Variants in MTR observed in about 807,000 individuals in gnomAD.
MTR encodes methionine synthase.
MTR carries 84 observed loss-of-function variants against 154.8 expected under a neutral mutation model. That is an observed-to-expected ratio of 0.54 (90% CI 0.45 to 0.65). The LOEUF is 0.65. MTR is among the 30% of genes least tolerant of loss of function. MTR has a pLI of 0.00. For missense variants in MTR, 1,275 were observed against 1,570.2 expected (o/e 0.81, Z 3.18); for synonymous variants, 554 against 553.9 (o/e 1.00, Z 0.00).
chr1:236,881,103 A>T (rs1558334967), intron 25 of MTR, among the ~76,000 whole-genome samples: 1 of 152,294 alleles, frequency 6.6e-6, no homozygotes, highest in East Asian at 1.9e-4. Context: ...CCTGGACACC[A>T]ACCAGACAAA....
intron 29 of MTR, 93 bp downstream of exon 29, chr1:236,891,422 ACCT>A: frequency 7.9e-7 from 1 of 1,263,936 alleles, no homozygotes; most frequent in Non-Finnish European, 1.1e-6. Flanking sequence ...GGTCTGCTTC[ACCT>A]CCTCCCAAAT....
At position 236,835,587 on chromosome 1, in the gene MTR, C is replaced by A; in HGVS notation, c.1229C>A (p.Ala410Asp). 6.2e-7 allele frequency: 1 copy of A among 1,611,250 alleles called. No homozygotes were observed. Among genetic ancestry groups the A allele is most frequent in the Non-Finnish European group, 8.5e-7 (1 of 1,179,504 alleles). Residue 410 changes from alanine to aspartate, a missense_variant, in exon 14 of 33, where the codon GCC becomes GAC. Coordinates refer to ENST00000366577, the MANE Select transcript of MTR (RefSeq NM_000254.3). ...CVAKVQVEMG[A>D]QVLDVNMDDG... ...GCCAAAGTGCAGGTGGAAATGGGAG[C>A]CCAGGTGTTGGATGTCAACATGGAT...
chr1:236,833,000 C>T (rs1662704294), intron 13 of MTR, among the ~76,000 whole-genome samples: 1 of 152,202 alleles, frequency 6.6e-6, no homozygotes, highest in African/African-American at 2.4e-5. Flanking sequence ...CATGGGCCTT[C>T]CCAGTTTGGA....
chr1:236,812,665 A>T, intron 5 of MTR, 73 bp from the exon 6 acceptor site: 1 of 1,160,856 alleles, frequency 8.6e-7, no homozygotes, highest in Non-Finnish European at 1.3e-6. Flanking sequence ...TGCCAGACCT[A>T]CACTCGAGAT....
chr1:236,795,805 C>A (rs1660344813), intron 1 of MTR, 68 bp downstream of exon 1: 11 of 1,610,418 alleles, frequency 6.8e-6, no homozygotes, highest in Non-Finnish European at 8.5e-6. Context: ...CTCCTAATCC[C>A]TGGGGCGATT....
rs1423135143 is a variant in MTR at position 236,803,665 on chromosome 1, T to C, written c.249+23T>C. 4.4e-6 allele frequency: 7 copies of C among 1,603,438 alleles called. No individual in the cohort carries two copies. In the East Asian group the frequency reaches 1.1e-4, roughly 26 times the overall value. On this transcript the variant is annotated intron_variant, in intron 2 of 32. Coordinates refer to ENST00000366577, the MANE Select transcript of MTR (RefSeq NM_000254.3). ...AAGGTAAAGTATTCCCAGGTTCCCA[T>C]GTGTATTCATTCTGTTATTCTGCAA...
intron 18 of MTR, 115 bp from the exon 19 acceptor site, chr1:236,859,718 G>A: frequency 1.2e-6 from 1 of 810,808 alleles, no homozygotes; most frequent in Middle Eastern, 2.3e-4. Flanking sequence ...ACTAGGGGCT[G>A]GAAAAGTAAA....
intron 8 of MTR, among the ~76,000 whole-genome samples, chr1:236,820,960 G>A (rs949374841): frequency 1.3e-5 from 2 of 152,172 alleles, no homozygotes; most frequent in Non-Finnish European, 2.9e-5. Flanking sequence ...TGGTGAGGAG[G>A]CTGGTCAGCT....
At chr1:236,853,210 G>C in intron 18 of MTR, 122 bp downstream of exon 18, 1 of 1,233,194 alleles carries the variant, frequency 8.1e-7, no homozygotes, top group South Asian at 1.2e-5. Flanking sequence ...TTGGATCACT[G>C]AAGATTTCTA....
At chr1:236,849,961 CT>C (rs1286559215) in intron 15 of MTR, among the ~76,000 whole-genome samples, 7 of 152,078 alleles carry the variant, frequency 4.6e-5, no homozygotes, top group African/African-American at 1.7e-4. Flanking sequence ...TTAATCTCTT[CT>C]TTAGTAGTAT....
intron 16 of MTR, among the ~76,000 whole-genome samples, chr1:236,850,797 G>T (rs988895977): frequency 6.6e-6 from 1 of 152,098 alleles, no homozygotes; most frequent in Non-Finnish European, 1.5e-5. Context: ...ACGCCAGTGC[G>T]CTCTAGCCTG....
intron 24 of MTR, among the ~76,000 whole-genome samples, chr1:236,876,264 A>T (rs566884760): frequency 6.6e-6 from 1 of 152,356 alleles, no homozygotes; most frequent in South Asian, 2.1e-4. Flanking sequence ...TCTTTTATCC[A>T]TTAGCTGTTC....
chr1:236,861,173 C>CA lies in MTR; in HGVS notation c.2100dup (p.Tyr701IlefsTer9). 3.8e-6 allele frequency: 6 copies of CA among 1,593,110 alleles called. No individual in the cohort carries two copies. Among genetic ancestry groups the CA allele is most frequent in the African/African-American group, 1.4e-5 (1 of 73,006 alleles). ...GGATACTGAGGAAGCCAGGTTAAAC[C>CA]AAAAAAAATATCCCCGACCTCTCAA... On this transcript the variant is annotated frameshift_variant, in exon 20 of 33. Transcript: ENST00000366577. LOFTEE classifies it high-confidence loss of function.
rs1250906551 is a variant in MTR at position 236,901,491 on chromosome 1, C to T, written c.*3847C>T. Reference sequence around the variant, plus strand: ...TCCAGGGAGACTGAATTTCTTCTGCCAGTCAGTAACACCATCAACCTGGGA... The same window carrying T: ...TCCAGGGAGACTGAATTTCTTCTGCTAGTCAGTAACACCATCAACCTGGGA... On this transcript the variant is annotated 3_prime_UTR_variant, in exon 33 of 33. Transcript: ENST00000366577. The T allele has an allele frequency of 6.6e-6, 1 of 152,232 alleles. No homozygotes were observed. The highest frequency in any genetic ancestry group is 1.5e-5 in the Non-Finnish European group (1 of 68,090). 9.4% of individuals were successfully genotyped at this position (152,232 alleles called of 1,614,324 possible).
chr1:236,811,766 T>TA, intron 5 of MTR: 1 of 446,072 alleles, frequency 2.2e-6, no homozygotes, highest in Non-Finnish European at 4.5e-6. Context: ...AAATGATGCA[T>TA]AGCAGGCCCT....
intron 2 of MTR, among the ~76,000 whole-genome samples, chr1:236,804,552 T>G (rs1660870304): frequency 6.6e-6 from 1 of 152,234 alleles, no homozygotes; most frequent in Non-Finnish European, 1.5e-5. Context: ...TGGAACATGG[T>G]TTTAATAACT....
At chr1:236,851,802 G>T (rs1479387011) in intron 16 of MTR, among the ~76,000 whole-genome samples, 1 of 152,202 alleles carries the variant, frequency 6.6e-6, no homozygotes, top group African/African-American at 2.4e-5. Flanking sequence ...ATTTATCTGT[G>T]TGGCTGTAGC....
intron 12 of MTR, among the ~76,000 whole-genome samples, chr1:236,829,502 G>A (rs542394873): frequency 2.4e-4 from 37 of 152,232 alleles, no homozygotes; most frequent in African/African-American, 8.9e-4. Flanking sequence ...ATTTGCCCAG[G>A]TAGAGTCCTT....
chr1:236,844,312 T>C (rs149378778), intron 15 of MTR, among the ~76,000 whole-genome samples: 230 of 152,170 alleles, frequency 1.5e-3, no homozygotes, highest in African/African-American at 5.4e-3. Context: ...TCCAAGGAGA[T>C]GAAAACTTTA....
Sources: gnomAD v4.1 joint callset for allele counts (sites outside exome capture counted in the v4.1 genomes callset) on GRCh38, gnomAD v4.1.1 for gene constraint, MANE v1.5 for transcripts, NCBI Gene and HGNC (gene_info 2026-07-23, HGNC 2026-07-21) for gene names.